SNX29: variants seen among roughly 807,000 people sequenced by gnomAD.
SNX29 encodes sorting nexin-29.
In SNX29, 78 loss-of-function variants were observed where a neutral mutation model predicts 102.1. The observed-to-expected ratio is 0.76, with a 90% confidence interval of 0.64 to 0.92. The LOEUF (loss-of-function observed/expected upper bound fraction) is 0.92, where lower values mean the gene tolerates loss of function less well. SNX29 is among the 40% of genes least tolerant of loss of function. SNX29 has a pLI of 0.00. For missense variants in SNX29, 1,280 were observed against 1,061.7 expected, an observed-to-expected ratio of 1.21 and a Z score of -2.86; for synonymous variants, 580 against 414.5, an observed-to-expected ratio of 1.40 and a Z score of -4.85.
chr16:12,542,505 T>C (rs2077387984), intron 20 of SNX29, among the ~76,000 whole-genome samples: 1 of 152,198 alleles, frequency 6.6e-6, no homozygotes, highest in Non-Finnish European at 1.5e-5. Flanking sequence ...CTCATTTTTG[T>C]ATTTTTAGGA....
intron 20 of SNX29, among the ~76,000 whole-genome samples, chr16:12,565,058 A>C (rs998368867): frequency 6.6e-6 from 1 of 152,010 alleles, no homozygotes; most frequent in Non-Finnish European, 1.5e-5. Flanking sequence ...ATTCCCCTGT[A>C]GCAAAGGGGC....
At chr16:12,483,582 T>A (rs1463258312) in intron 19 of SNX29, among the ~76,000 whole-genome samples, 5 of 152,214 alleles carry the variant, frequency 3.3e-5, no homozygotes, top group Admixed American at 2.0e-4. Context: ...CCCAAAGTGC[T>A]GGGATTACAG....
intron 18 of SNX29, among the ~76,000 whole-genome samples, chr16:12,404,633 T>C (rs1162574167): frequency 6.6e-6 from 1 of 152,200 alleles, no homozygotes; most frequent in South Asian, 2.1e-4. Context: ...TTGAAGAAAT[T>C]TTCTTGTCTA....
Position 12,099,777 on chromosome 16 carries a change from A to G in SNX29, c.1402+20862A>G, listed in dbSNP as rs140242888. On this transcript the variant is annotated intron_variant, in intron 11 of 20. Coordinates refer to ENST00000566228, the MANE Select transcript of SNX29 (RefSeq NM_032167.5). ...ACGGAGCAGAATGCCTATTGTGCCT[A>G]TGTTCCTGGGGTGCTAGCCCACCTC... is the stretch of plus-strand genomic sequence containing the variant. Among the ~76,000 whole-genome samples, 6 of 152,170 alleles carry G rather than the reference A, an allele frequency of 3.9e-5. No homozygotes were observed. In the East Asian group the frequency reaches 5.8e-4, roughly 15 times the overall value.
At position 12,098,347 on chromosome 16, in the gene SNX29, A is replaced by G. The variant is rs4780411; in HGVS notation, c.1402+19432A>G. The stretch of plus-strand genomic sequence containing the variant: ...TAAAGGATTTCTCTTCCACTCCCAC[A>G]TCAGCCACCTTGCTCCCCGTCCAGG... On this transcript the variant is annotated intron_variant, in intron 11 of 20. Transcript: ENST00000566228. This position sits in a 1 kb window ranked among gnomAD's most constrained non-coding sequence, Gnocchi z 6.0. Among the ~76,000 whole-genome samples the G allele has an allele frequency of 0.3, 46,358 of 152,016 alleles. 7,254 individuals carry two copies. The highest frequency in any genetic ancestry group is 0.4 in the African/African-American group (16,558 of 41,474).
In SNX29 at chr16:12,568,475, A is replaced by T. The variant is rs774938602; in HGVS notation, c.2319-31A>T. 4.4e-6 allele frequency: 7 copies of T among 1,606,736 alleles called. No homozygotes were observed. The East Asian group carries it at 1.1e-4, about 26-fold the overall frequency. On this transcript the variant is annotated intron_variant, in intron 20 of 20. Coordinates refer to ENST00000566228, the MANE Select transcript of SNX29 (RefSeq NM_032167.5). ...GTGGTCATTTGCTTTTCATCCCCAG[A>T]CTTAACCCGATTCTCTCCCTGCTCT...
At chr16:12,199,546 G>A in intron 13 of SNX29, 55 bp from the exon 14 acceptor site, 1 of 1,504,272 alleles carries the variant, frequency 6.6e-7, no homozygotes, top group Non-Finnish European at 9.1e-7. Flanking sequence ...CCCTCCTGTG[G>A]GTCCACATTG....
At chr16:12,342,365 A>G (rs2081635158) in intron 15 of SNX29, among the ~76,000 whole-genome samples, 1 of 152,200 alleles carries the variant, frequency 6.6e-6, no homozygotes, top group Admixed American at 6.5e-5. Flanking sequence ...TACAGTCTCC[A>G]TGTTGCTGAT....
At chr16:12,409,421 C>CTTTTTTTTTT (rs71139589) in intron 18 of SNX29, among the ~76,000 whole-genome samples, 1 of 89,638 alleles carries the variant, frequency 1.1e-5, no homozygotes, top group Non-Finnish European at 2.0e-5. Flanking sequence ...GATTCACTGT[C>CTTTTTTTTTT]TTTTTTTTTT....
chr16:12,373,100 T>G (rs1271390013), intron 16 of SNX29: 1 of 152,046 alleles, frequency 6.6e-6, no homozygotes, highest in Non-Finnish European at 1.5e-5. Context: ...CTTTTTAGAG[T>G]CTTCATGTCC....
chr16:12,077,317 A>C (rs952761529), intron 10 of SNX29, among the ~76,000 whole-genome samples: 1 of 151,904 alleles, frequency 6.6e-6, no homozygotes, highest in Non-Finnish European at 1.5e-5. Context: ...GTAAATGAAA[A>C]AAGAAAATCA....
intron 11 of SNX29, among the ~76,000 whole-genome samples, chr16:12,112,907 G>A (rs1337345823): frequency 6.6e-6 from 1 of 152,196 alleles, no homozygotes; most frequent in Admixed American, 6.5e-5. Context: ...CACATGTTAA[G>A]AGATCACCTC....
intron 14 of SNX29, among the ~76,000 whole-genome samples, chr16:12,218,941 AT>A (rs2077397849): frequency 6.6e-6 from 1 of 151,954 alleles, no homozygotes; most frequent in South Asian, 2.1e-4. Flanking sequence ...GTCCTGGCTA[AT>A]TTTTTGTATT....
chr16:12,542,666 C>G (rs997267144), intron 20 of SNX29, among the ~76,000 whole-genome samples: 1 of 152,078 alleles, frequency 6.6e-6, no homozygotes, highest in Admixed American at 6.5e-5. Flanking sequence ...TTGAAGGCAG[C>G]GTGTTGGGAA....
chr16:12,534,500 C>T (rs1051903673), intron 20 of SNX29, among the ~76,000 whole-genome samples: 13 of 152,220 alleles, frequency 8.5e-5, no homozygotes, highest in African/African-American at 3.1e-4. Context: ...TTGCTTTTAG[C>T]AGCTCAGCAA....
At chr16:12,296,304 T>A (rs891006871) in intron 15 of SNX29, among the ~76,000 whole-genome samples, 6 of 152,074 alleles carry the variant, frequency 3.9e-5, no homozygotes, top group African/African-American at 1.4e-4. Context: ...TAAAATCGAG[T>A]GGATAAAATT....
In SNX29 at chr16:12,056,273, C is replaced by G. The variant is rs2050517415; in HGVS notation, c.1124+4051C>G. On this transcript the variant is annotated intron_variant, in intron 8 of 20. Transcript: ENST00000566228. ...CCCATGGGTGAGGCTGGTGTGTGAG[C>G]CAAGGCAGCCCCCAGCATTGTGTGT... Among the ~76,000 whole-genome samples the G allele has an allele frequency of 2.6e-5, 4 of 152,142 alleles. No individual in the cohort carries two copies. In the South Asian group the frequency reaches 8.3e-4, roughly 32 times the overall value.
At chr16:12,417,628 T>TCATTCCTTTTCCCTGTTCCTC (rs2084694428) in intron 18 of SNX29, among the ~76,000 whole-genome samples, 1 of 151,686 alleles carries the variant, frequency 6.6e-6, no homozygotes, top group African/African-American at 2.4e-5. Context: ...CCCTGTTCCT[T>TCATTCCTTTTCCCTGTTCCTC]GTCATTCCTT....
chr16:12,001,242 G>A (rs1414877692), intron 2 of SNX29, among the ~76,000 whole-genome samples: 1 of 152,038 alleles, frequency 6.6e-6, no homozygotes, highest in Non-Finnish European at 1.5e-5. Context: ...CTCATGAGTA[G>A]CTGGGACTAC....
Sources: gnomAD v4.1 joint callset for allele counts (sites outside exome capture counted in the v4.1 genomes callset) on GRCh38, gnomAD v4.1.1 for gene constraint, Gnocchi (gnomAD v3.1) non-coding constraint, MANE v1.5 for transcripts, NCBI Gene and HGNC (gene_info 2026-07-23, HGNC 2026-07-21) for gene names.